The following AGXT2 variants were observed in gnomAD, a reference collection of about 807,000 sequenced individuals.
The protein encoded by AGXT2 is alanine--glyoxylate aminotransferase 2, also known as alanine--glyoxylate aminotransferase 2, mitochondrial.
In AGXT2, 61 loss-of-function variants were observed where a neutral mutation model predicts 62.5. The observed-to-expected ratio is 0.98, with a 90% CI of 0.79 to 1.21. The LOEUF (loss-of-function observed/expected upper bound fraction) is 1.21. Among genes scored for constraint, AGXT2 ranks in the 50% most tolerant of loss-of-function variants. The pLI is 0.00. For synonymous variants in AGXT2, 243 were observed against 218.7 expected, an observed-to-expected ratio of 1.11 and a Z score of -0.98; for missense variants, 666 against 641.5, an observed-to-expected ratio of 1.04 and a Z score of -0.41.
rs538266489 is a variant in AGXT2 at position 35,044,885 on chromosome 5, G to A, written c.88+2920C>T. 1.3e-4 allele frequency among the ~76,000 whole-genome samples: 19 copies of A among 151,022 alleles called. 1 individual carries two copies. In the East Asian group the frequency reaches 3.5e-3, roughly 28 times the overall value. ...CTGCCTGGAGGGGTGTAGATGGGAG[G>A]CCCCCCTTTAGGGCAAATTTTAAAT... On this transcript the variant is annotated intron_variant, in intron 1 of 13. Transcript: ENST00000231420.
chr5:35,047,879 C>T lies in AGXT2; in HGVS notation c.14G>A (p.Trp5Ter), dbSNP rs746065206. The T allele has an allele frequency of 1.2e-6, 2 of 1,614,052 alleles. No homozygotes were observed. Among genetic ancestry groups the T allele is most frequent in the Non-Finnish European group, 1.7e-6 (2 of 1,179,990 alleles). MTLI[W>*]RHLLRPLCLV... ...GCACAAGGGTCTCAGCAAATGTCTC[C>T]AGATTAGAGTCATTTCTCCCACTCA... The change falls in exon 1 of 14, where the codon TGG becomes TAG. Residue 5 changes from tryptophan (W) to a stop codon, truncating the protein, a stop_gained. Transcript: ENST00000231420. LOFTEE classifies it high-confidence loss of function.
intron 9 of AGXT2, among the ~76,000 whole-genome samples, chr5:35,023,050 A>C (rs568978811): frequency 6.6e-6 from 1 of 151,630 alleles, no homozygotes; most frequent in African/African-American, 2.4e-5. Context: ...AACTATTTTC[A>C]ATTTAAAAGA....
intron 12 of AGXT2, among the ~76,000 whole-genome samples, chr5:35,008,281 G>A (rs1302032309): frequency 2.0e-5 from 3 of 152,090 alleles, no homozygotes; most frequent in Non-Finnish European, 2.9e-5. Context: ...TTGTATGAAC[G>A]GTCATCTGGG....
intron 7 of AGXT2, among the ~76,000 whole-genome samples, chr5:35,028,889 C>T (rs1210134371): frequency 6.6e-6 from 1 of 152,202 alleles, no homozygotes; most frequent in Non-Finnish European, 1.5e-5. Context: ...GGATGCAGTG[C>T]TGTCTCCACG....
intron 1 of AGXT2, among the ~76,000 whole-genome samples, chr5:35,045,081 T>G (rs1176061556): frequency 6.6e-6 from 1 of 152,186 alleles, no homozygotes; most frequent in East Asian, 1.9e-4. Context: ...ATTAGCTAAT[T>G]GTAGGAAAGA....
chr5:35,044,209 T>C (rs1159319862), intron 1 of AGXT2, among the ~76,000 whole-genome samples: 1 of 152,156 alleles, frequency 6.6e-6, no homozygotes, highest in African/African-American at 2.4e-5. Flanking sequence ...AGACACTGCC[T>C]CCCATGGAGG....
At chr5:35,019,311 C>T (rs1252256360) in intron 9 of AGXT2, among the ~76,000 whole-genome samples, 1 of 149,014 alleles carries the variant, frequency 6.7e-6, no homozygotes, top group Non-Finnish European at 1.5e-5. Context: ...AAAAATTGAC[C>T]ACATACTTGG....
In AGXT2 at chr5:34,998,561, C is replaced by T. The variant is rs1209938158; in HGVS notation, c.*158G>A. Reference sequence around the variant, plus strand: ...CTCAAGATAAGAGGGGCTCTGCTAACAAATATGGTTGGTAGGCAGTCAACC... The same window carrying T: ...CTCAAGATAAGAGGGGCTCTGCTAATAAATATGGTTGGTAGGCAGTCAACC... On this transcript the variant is annotated 3_prime_UTR_variant, in exon 14 of 14. Coordinates refer to ENST00000231420, the MANE Select transcript of AGXT2 (RefSeq NM_031900.4). 1 of 658,020 alleles carries T rather than the reference C, an allele frequency of 1.5e-6. No homozygotes were observed. Among genetic ancestry groups the T allele is most frequent in the Non-Finnish European group, 2.7e-6 (1 of 370,990 alleles). 40.8% of individuals were successfully genotyped at this position (658,020 alleles called of 1,614,324 possible).
chr5:35,030,648 A>G (rs1042443623), intron 7 of AGXT2, among the ~76,000 whole-genome samples: 1 of 152,214 alleles, frequency 6.6e-6, no homozygotes, highest in Non-Finnish European at 1.5e-5. Flanking sequence ...GATTTCTGGT[A>G]TTGTCAAATT....
chr5:35,017,008 G>A (rs1290070450), intron 9 of AGXT2, among the ~76,000 whole-genome samples: 1 of 152,132 alleles, frequency 6.6e-6, no homozygotes, highest in Non-Finnish European at 1.5e-5. Flanking sequence ...GGGCCCAGAG[G>A]TTTCAGTTTT....
chr5:35,040,799 G>T lies in AGXT2; in HGVS notation c.89-136C>A, dbSNP rs1767956006. 1.9e-5 allele frequency: 14 copies of T among 750,682 alleles called. No individual in the cohort carries two copies. In the South Asian group the frequency reaches 1.9e-4, roughly 10 times the overall value. The allele number at this position is 750,682 out of a possible 1,614,324, so 46.5% of individuals were successfully genotyped here. A position where few individuals can be genotyped will look rare whatever the true frequency, so the allele number is the denominator to read the frequency against. On this transcript the variant is annotated intron_variant, in intron 1 of 13. Transcript: ENST00000231420. Reference sequence around the variant, plus strand: ...AAAAAATCATGCTAATCAGCTTTTAGTTTGGATTTAAAATCTGAGTATCTC... The same window carrying T: ...AAAAAATCATGCTAATCAGCTTTTATTTTGGATTTAAAATCTGAGTATCTC...
At chr5:35,037,520 C>T (rs1332874169) in intron 3 of AGXT2, among the ~76,000 whole-genome samples, 2 of 149,516 alleles carry the variant, frequency 1.3e-5, no homozygotes, top group East Asian at 4.1e-4. Flanking sequence ...CCCTCCCTTC[C>T]CCCCTTCCTC....
chr5:35,033,339 G>A (rs1767639834), intron 6 of AGXT2, 121 bp downstream of exon 6: 1 of 797,970 alleles, frequency 1.3e-6, no homozygotes, highest in Non-Finnish European at 2.2e-6. Flanking sequence ...AGGTCAAATT[G>A]AGCCCCTGAT....
chr5:35,010,092 G>A lies in AGXT2; in HGVS notation c.1246C>T (p.Leu416=). The change falls in exon 12 of 14, where the codon CTA becomes TTA. Residue 416 remains leucine, a synonymous_variant. Coordinates refer to ENST00000231420, the MANE Select transcript of AGXT2 (RefSeq NM_031900.4). The part of the protein sequence containing the change: ...NSQEVGTYML[L]KFAKLRDEFE... ...TCATCCCGCAGCTTAGCAAACTTTA[G>A]TAACATGTAGGTCCCAACTTCTTGA... The A allele has an allele frequency of 6.2e-7, 1 of 1,614,190 alleles. No individual in the cohort carries two copies. Among genetic ancestry groups the A allele is most frequent in the Non-Finnish European group, 8.5e-7 (1 of 1,180,022 alleles).
chr5:35,010,152 G>A lies in AGXT2; in HGVS notation c.1189-3C>T. 6.2e-7 allele frequency: 1 copy of A among 1,614,174 alleles called. No homozygotes were observed. Among genetic ancestry groups the A allele is most frequent in the Admixed American group, 1.7e-5 (1 of 60,024 alleles). On this transcript the variant is annotated splice_polypyrimidine_tract_variant and splice_region_variant and intron_variant, in intron 11 of 13. Transcript: ENST00000231420. ...TGTAGATTTTCTTCTTTAATCACCT[G>A]TTAAGAGAAAGCCCCAAATGATCTT...
intron 12 of AGXT2, among the ~76,000 whole-genome samples, chr5:35,008,065 T>G (rs146342660): frequency 6.6e-6 from 1 of 152,252 alleles, no homozygotes; most frequent in African/African-American, 2.4e-5. Flanking sequence ...GATGCTGGTG[T>G]CATGCTTCCT....
At chr5:35,021,357 A>C (rs1184284845) in intron 9 of AGXT2, among the ~76,000 whole-genome samples, 2 of 151,834 alleles carry the variant, frequency 1.3e-5, no homozygotes, top group Non-Finnish European at 2.9e-5. Flanking sequence ...ACAGCATGGT[A>C]CTGGTACCAA....
intron 1 of AGXT2, among the ~76,000 whole-genome samples, chr5:35,043,369 G>A (rs1235405603): frequency 1.3e-5 from 2 of 152,144 alleles, no homozygotes; most frequent in Non-Finnish European, 2.9e-5. Context: ...TTATTAAAAT[G>A]CTAATTATTA....
chr5:35,042,736 C>G (rs1256760260), intron 1 of AGXT2, among the ~76,000 whole-genome samples: 1 of 142,390 alleles, frequency 7.0e-6, no homozygotes, highest in African/African-American at 2.6e-5. Flanking sequence ...ATATGCATAC[C>G]TGTGTGTGTG....
Sources: gnomAD v4.1 joint callset for allele counts (sites outside exome capture counted in the v4.1 genomes callset) on GRCh38, gnomAD v4.1.1 for gene constraint, MANE v1.5 for transcripts, NCBI Gene and HGNC (gene_info 2026-07-23, HGNC 2026-07-21) for gene names.